HPGD: variants seen among roughly 807,000 people sequenced by gnomAD.
HPGD encodes the protein 15-hydroxyprostaglandin dehydrogenase.
HPGD carries 29 observed loss-of-function variants against 30.0 expected under a neutral mutation model. The ratio of observed to expected loss-of-function variants is 0.97; its 90% CI spans 0.72 to 1.32. The LOEUF is 1.32. Among genes scored for constraint, HPGD ranks in the 40% most tolerant of loss-of-function variants. The pLI is 0.00. For missense variants in HPGD, 340 were observed against 322.1 expected (o/e 1.06, Z -0.43); for synonymous variants, 99 against 112.4 (o/e 0.88, Z 0.75).
chr4:174,522,220 C>T, intron 1 of HPGD, 139 bp downstream of exon 1: 1 of 1,418,634 alleles, frequency 7.0e-7, no homozygotes, highest in South Asian at 1.2e-5. Flanking sequence ...CTCACAGCCT[C>T]AGCTTCAGCA....
chr4:174,518,208 G>A, intron 2 of HPGD, 131 bp from the exon 3 acceptor site: 2 of 574,032 alleles, frequency 3.5e-6, no homozygotes, highest in Non-Finnish European at 6.2e-6. Context: ...CATGGGCTGA[G>A]TGTAATTAAT....
chr4:174,491,313 C>T lies in HPGD; in HGVS notation c.*643G>A, dbSNP rs1238669297. On this transcript the variant is annotated 3_prime_UTR_variant, in exon 7 of 7. Transcript: ENST00000296522. ...GTGAGCAGAGGAAAGAAATGTCTTTCCCAGATAGGAGGCTGAACTGTGAAT... is the reference window on the plus strand; with the variant it reads ...GTGAGCAGAGGAAAGAAATGTCTTTTCCAGATAGGAGGCTGAACTGTGAAT... 2 of 152,542 alleles carry T rather than the reference C, an allele frequency of 1.3e-5. No homozygotes were observed. Among genetic ancestry groups the T allele is most frequent in the Non-Finnish European group, 2.9e-5 (2 of 67,936 alleles). 9.4% of individuals were successfully genotyped at this position (152,542 alleles called of 1,614,324 possible). A position where few individuals can be genotyped will look rare whatever the true frequency, so the allele number is the denominator to read the frequency against.
intron 3 of HPGD, 135 bp downstream of exon 3, chr4:174,517,836 C>T: frequency 1.7e-6 from 1 of 585,300 alleles, no homozygotes. Context: ...ATGCTTTTAT[C>T]CAGCTTTCTG....
rs1236560715 is a variant in HPGD at position 174,494,977 on chromosome 4, C to A, written c.498+571G>T. On this transcript the variant is annotated intron_variant, in intron 5 of 6. Transcript: ENST00000296522. This position sits in a 1 kb window ranked among gnomAD's most constrained non-coding sequence, Gnocchi z 4.9. ...CTACATTCCCTTTGCTTGCCAGGCC[C>A]CTTTCAAGCGTCTCTTTTGTGAGTT... 5.3e-5 allele frequency among the ~76,000 whole-genome samples: 8 copies of A among 152,148 alleles called. No individual in the cohort carries two copies. Among genetic ancestry groups the A allele is most frequent in the African/African-American group, 1.9e-4 (8 of 41,436 alleles).
Position 174,492,717 on chromosome 4 carries a change from T to A in HPGD, c.662+434A>T, listed in dbSNP as rs950223556. Among the ~76,000 whole-genome samples the A allele has an allele frequency of 3.4e-4, 51 of 152,056 alleles. No homozygotes were observed. Among genetic ancestry groups the A allele is most frequent in the African/African-American group, 1.2e-3 (49 of 41,426 alleles). On this transcript the variant is annotated intron_variant, in intron 6 of 6. Transcript: ENST00000296522. This position sits in a 1 kb window ranked among gnomAD's most constrained non-coding sequence, Gnocchi z 4.9. ...AACATGATAACTATGATTCATGAAA[T>A]CCTCAGTTGCTTGAATTCAGACATA...
intron 4 of HPGD, 190 bp from the exon 5 acceptor site, chr4:174,495,814 C>A: frequency 3.3e-6 from 2 of 611,282 alleles, no homozygotes; most frequent in South Asian, 1.9e-5. Flanking sequence ...CTCCATGACC[C>A]GTGTCGTCCA....
chr4:174,493,386 C>A, intron 5 of HPGD, 72 bp from the exon 6 acceptor site: 1 of 1,439,458 alleles, frequency 6.9e-7, no homozygotes. Flanking sequence ...ATCATTAAAG[C>A]ATCTTACAAT....
At chr4:174,512,441 T>C (rs922837982) in intron 3 of HPGD, among the ~76,000 whole-genome samples, 5 of 152,308 alleles carry the variant, frequency 3.3e-5, no homozygotes, top group Admixed American at 3.3e-4. Flanking sequence ...AGATATATGG[T>C]AAAGTCTTTT....
At chr4:174,515,384 AC>A (rs1735718052) in intron 3 of HPGD, among the ~76,000 whole-genome samples, 1 of 152,184 alleles carries the variant, frequency 6.6e-6, no homozygotes, top group Admixed American at 6.5e-5. Context: ...CTGATCTTTG[AC>A]AAAATTGACA....
chr4:174,519,145 C>T (rs1208457509), intron 2 of HPGD, among the ~76,000 whole-genome samples: 3 of 152,022 alleles, frequency 2.0e-5, no homozygotes, highest in Non-Finnish European at 4.4e-5. Context: ...TTCAAGATTT[C>T]CTAATATGTA....
At chr4:174,513,987 C>T (rs1316491004) in intron 3 of HPGD, among the ~76,000 whole-genome samples, 1 of 151,914 alleles carries the variant, frequency 6.6e-6, no homozygotes, top group East Asian at 1.9e-4. Flanking sequence ...ATAAGAATGC[C>T]TCTGTTGAGA....
In HPGD at chr4:174,492,141, T is replaced by C; in HGVS notation, c.663-47A>G. ...TTTTGAAACGAAAGAATGAGGCATA[T>C]TACCACTTCATTTTAAGTTATTTTC... On this transcript the variant is annotated intron_variant, in intron 6 of 6. Coordinates refer to ENST00000296522, the MANE Select transcript of HPGD (RefSeq NM_000860.6). The surrounding 1 kb of genome is among the most constrained non-coding windows in gnomAD (Gnocchi z 4.9). 4 of 1,538,374 alleles carry C rather than the reference T, an allele frequency of 2.6e-6. No individual in the cohort carries two copies. The highest frequency in any genetic ancestry group is 3.6e-6 in the Non-Finnish European group (4 of 1,115,526).
intron 3 of HPGD, among the ~76,000 whole-genome samples, chr4:174,515,318 T>C (rs914473224): frequency 6.6e-6 from 1 of 152,052 alleles, no homozygotes; most frequent in African/African-American, 2.4e-5. Context: ...AACAGATATA[T>C]AGACCAATGG....
At position 174,517,970 on chromosome 4, in the gene HPGD, C is replaced by T. The variant is rs963794868; in HGVS notation, c.324+1G>A. On this transcript the variant is annotated splice_donor_variant, in intron 3 of 6. Transcript: ENST00000296522. LOFTEE classifies it high-confidence loss of function. ...CAAGAAATATAGCTAAGATAACTCACCAAATTAATTTGCAGAGTTTTTTCC... is the reference window on the plus strand; with the variant it reads ...CAAGAAATATAGCTAAGATAACTCATCAAATTAATTTGCAGAGTTTTTTCC... 10 of 1,447,482 alleles carry T rather than the reference C, an allele frequency of 6.9e-6. No homozygotes were observed. Among genetic ancestry groups the T allele is most frequent in the African/African-American group, 4.2e-5 (3 of 71,534 alleles). 89.7% of individuals were successfully genotyped at this position (1,447,482 alleles called of 1,614,324 possible).
At position 174,518,061 on chromosome 4, in the gene HPGD, A is replaced by G; in HGVS notation, c.234T>C (p.Val78=). The change falls in exon 3 of 7, where the codon GTT becomes GTC. Residue 78 remains valine, a synonymous_variant. Transcript: ENST00000296522. ...QQQLRDTFRK[V]VDHFGRLDIL... Reference sequence around the variant, plus strand: ...TGTCCAGTCTTCCAAAGTGGTCTACAACTTTTCTAAAAGTGTCTAATTATA... The same window carrying G: ...TGTCCAGTCTTCCAAAGTGGTCTACGACTTTTCTAAAAGTGTCTAATTATA... 6.4e-7 allele frequency: 1 copy of G among 1,564,150 alleles called. No individual in the cohort carries two copies. Among genetic ancestry groups the G allele is most frequent in the South Asian group, 1.1e-5 (1 of 89,852 alleles).
At chr4:174,511,699 T>C (rs960329948) in intron 3 of HPGD, among the ~76,000 whole-genome samples, 1 of 152,132 alleles carries the variant, frequency 6.6e-6, no homozygotes, top group Non-Finnish European at 1.5e-5. Flanking sequence ...CAGGCTGGAG[T>C]GCAGTGGCGC....
chr4:174,512,165 T>C (rs1310294158), intron 3 of HPGD, among the ~76,000 whole-genome samples: 1 of 152,096 alleles, frequency 6.6e-6, no homozygotes, highest in Non-Finnish European at 1.5e-5. Context: ...ACTAATGTAT[T>C]TGGAAAGCAA....
At position 174,496,260 on chromosome 4, in the gene HPGD, C is replaced by T. The variant is rs768742631; in HGVS notation, c.422-636G>A. On this transcript the variant is annotated intron_variant, in intron 4 of 6. Transcript: ENST00000296522. This position sits in a 1 kb window ranked among gnomAD's most constrained non-coding sequence, Gnocchi z 4.6. Reference sequence around the variant, plus strand: ...AACATTTGTGGTCCTATTTTATTTCCTTTCATAATTATGTAGTCAACTATG... The same window carrying T: ...AACATTTGTGGTCCTATTTTATTTCTTTTCATAATTATGTAGTCAACTATG... 2.6e-5 allele frequency among the ~76,000 whole-genome samples: 4 copies of T among 152,054 alleles called. No homozygotes were observed. The highest frequency in any genetic ancestry group is 6.5e-5 in the Admixed American group (1 of 15,276).
chr4:174,500,096 T>C (rs1438362811), intron 4 of HPGD, among the ~76,000 whole-genome samples: 2 of 152,140 alleles, frequency 1.3e-5, no homozygotes, highest in African/African-American at 2.4e-5. Context: ...CCTTAAACTA[T>C]AGTGGGTGCT....
Sources: gnomAD v4.1 joint callset for allele counts (sites outside exome capture counted in the v4.1 genomes callset) on GRCh38, gnomAD v4.1.1 for gene constraint, Gnocchi (gnomAD v3.1) non-coding constraint, MANE v1.5 for transcripts, NCBI Gene and HGNC (gene_info 2026-07-23, HGNC 2026-07-21) for gene names.